The following ITPR2 variants were observed in gnomAD, a reference collection of about 807,000 sequenced individuals.
ITPR2 encodes inositol 1,4,5-trisphosphate-gated calcium channel ITPR2.
Under a neutral mutation model 317.1 loss-of-function variants are expected in ITPR2, and 207 were observed. The ratio of observed to expected loss-of-function variants is 0.65; its 90% CI spans 0.58 to 0.73. The LOEUF (loss-of-function observed/expected upper bound fraction) is 0.73, where lower values mean the gene tolerates loss of function less well. Among genes scored for constraint, ITPR2 ranks in the 30% least tolerant of loss-of-function variants. The probability of loss-of-function intolerance (pLI) is 0.00; values close to 1 mark genes in which losing one functional copy is unlikely to be tolerated. For synonymous variants in ITPR2, 1,156 were observed against 1,149.1 expected, an observed-to-expected ratio of 1.01 and a Z score of -0.12; for missense variants, 2,613 against 3,284.0, an observed-to-expected ratio of 0.80 and a Z score of 4.99.
At chr12:26,494,057 A>T in intron 39 of ITPR2, 96 bp downstream of exon 39, 1 of 908,216 alleles carries the variant, frequency 1.1e-6, no homozygotes, top group Non-Finnish European at 1.6e-6. Flanking sequence ...TAGTAATAAG[A>T]GCTAAAAGAA....
intron 55 of ITPR2, among the ~76,000 whole-genome samples, chr12:26,350,405 G>C (rs907584813): frequency 6.6e-6 from 1 of 152,060 alleles, no homozygotes; most frequent in African/African-American, 2.4e-5. Flanking sequence ...GGGGGCGAGA[G>C]GCACTGTATG....
chr12:26,778,997 C>T (rs1159274380), intron 2 of ITPR2, among the ~76,000 whole-genome samples: 2 of 152,182 alleles, frequency 1.3e-5, no homozygotes, highest in African/African-American at 4.8e-5. Context: ...GGGTGTGTTA[C>T]TCCAACTCAT....
intron 1 of ITPR2, among the ~76,000 whole-genome samples, chr12:26,791,254 A>G (rs988589758): frequency 6.6e-6 from 1 of 152,186 alleles, no homozygotes; most frequent in Admixed American, 6.6e-5. Context: ...TCATTTCTCC[A>G]TTGGTTACGT....
chr12:26,709,491 G>A lies in ITPR2; in HGVS notation c.951+1682C>T, dbSNP rs571548564. 1.8e-4 allele frequency among the ~76,000 whole-genome samples: 27 copies of A among 152,160 alleles called. No homozygotes were observed. The East Asian group carries it at 2.1e-3, about 12-fold the overall frequency. On this transcript the variant is annotated intron_variant, in intron 9 of 56. Transcript: ENST00000381340. ...CTACTTCTCCATTTTTAATTAATTC[G>A]TGTATATATTGAAGTCTTGGATCCT...
chr12:26,785,094 C>A (rs1343164647), intron 2 of ITPR2, among the ~76,000 whole-genome samples: 1 of 42,078 alleles, frequency 2.4e-5, no homozygotes, highest in African/African-American at 5.8e-5. Context: ...AAGTGAGGAG[C>A]CCCTCCGTCC....
At chr12:26,570,128 C>G (rs1945121157) in intron 34 of ITPR2, among the ~76,000 whole-genome samples, 1 of 152,154 alleles carries the variant, frequency 6.6e-6, no homozygotes, top group South Asian at 2.1e-4. Context: ...CAAGGTCAGG[C>G]TCTAGAATTT....
chr12:26,828,341 G>A (rs550319300), intron 1 of ITPR2, among the ~76,000 whole-genome samples: 31 of 152,238 alleles, frequency 2.0e-4, no homozygotes, highest in Admixed American at 3.3e-4. Flanking sequence ...TCTACCAATT[G>A]TACTCCGAGG....
intron 44 of ITPR2, among the ~76,000 whole-genome samples, chr12:26,476,138 T>TTCAC (rs1163235003): frequency 7.2e-5 from 11 of 152,328 alleles, no homozygotes; most frequent in African/African-American, 2.4e-4. Context: ...TAAATCAAAC[T>TTCAC]TCACTTTGTC....
At chr12:26,532,206 T>C (rs1943963249) in intron 37 of ITPR2, among the ~76,000 whole-genome samples, 1 of 152,198 alleles carries the variant, frequency 6.6e-6, no homozygotes, top group Admixed American at 6.5e-5. Context: ...AGTGTTCTTG[T>C]TTGTGTTATG....
chr12:26,641,563 T>G (rs1316521241), intron 21 of ITPR2, among the ~76,000 whole-genome samples: 1 of 152,118 alleles, frequency 6.6e-6, no homozygotes, highest in Non-Finnish European at 1.5e-5. Flanking sequence ...GTTGAAAAGC[T>G]TATTTCCTGG....
Position 26,561,767 on chromosome 12 carries a change from A to G in ITPR2, c.4816T>C (p.Leu1606=), listed in dbSNP as rs746782893. Reference sequence around the variant, plus strand: ...TATTTCACGCTTTCATGTACCTGTAACTTTTCAATAATATTTCTGTAATCC... The same window carrying G: ...TATTTCACGCTTTCATGTACCTGTAGCTTTTCAATAATATTTCTGTAATCC... ...AWDYRNIIEK[L]QDVVASLEHQ... is the part of the protein sequence containing the mutation. The change falls in exon 35 of 57, where the codon TTA becomes CTA. Residue 1606 remains leucine, a synonymous_variant. Coordinates refer to ENST00000381340, the MANE Select transcript of ITPR2 (RefSeq NM_002223.4). 2 of 1,569,146 alleles carry G rather than the reference A, an allele frequency of 1.3e-6. No homozygotes were observed. Among genetic ancestry groups the G allele is most frequent in the East Asian group, 2.3e-5 (1 of 42,660 alleles).
intron 52 of ITPR2, chr12:26,411,092 G>A: frequency 2.1e-6 from 1 of 470,662 alleles, no homozygotes; most frequent in Non-Finnish European, 3.9e-6. Context: ...GGGTAAATGT[G>A]CTAAATCCTC....
intron 2 of ITPR2, among the ~76,000 whole-genome samples, chr12:26,781,108 G>C (rs184520036): frequency 1.3e-5 from 2 of 152,298 alleles, no homozygotes; most frequent in East Asian, 3.9e-4. Flanking sequence ...AGGTCAATGA[G>C]AAACTAAAAC....
In ITPR2 at chr12:26,398,865, C is replaced by T. The variant is rs760865222; in HGVS notation, c.7696+11G>A. ...ATTCATCTATTATTTTAGCATCTGC[C>T]GAACACTTACCACAGATGAAACAAG... On this transcript the variant is annotated intron_variant, in intron 54 of 56. Transcript: ENST00000381340. The T allele has an allele frequency of 8.1e-6, 13 of 1,603,398 alleles. No homozygotes were observed. Among genetic ancestry groups the T allele is most frequent in the Admixed American group, 6.9e-5 (4 of 57,738 alleles).
chr12:26,439,249 C>G lies in ITPR2; in HGVS notation c.6521G>C (p.Arg2174Pro). The change falls in exon 47 of 57, where the codon CGA becomes CCA. Residue 2174 changes from arginine (R) to proline (P), a missense_variant. By Grantham distance (103) the Arg-to-Pro change is moderately radical. This residue lies in a region of ITPR2 where 926 missense variants were observed against 1,072.8 expected (regional missense o/e 0.86). Transcript: ENST00000381340. ...PVPNICEYLT[R>P]ESKCRVFNTT... ...ATTGAACACACGGCACTTGGATTCT[C>G]GAGTGAGGTATTCACATATATTGGG... 1.2e-6 allele frequency: 2 copies of G among 1,613,066 alleles called. No individual in the cohort carries two copies. The highest frequency in any genetic ancestry group is 1.1e-5 in the South Asian group (1 of 90,834).
At position 26,486,152 on chromosome 12, in the gene ITPR2, T is replaced by C. The variant is rs1942658908; in HGVS notation, c.5763A>G (p.Ile1921Met). Reference sequence around the variant, plus strand: ...CACACAGTAACTGAAGAAATCTCAGTATTGGCTGCATGATGGCAATTGCGG... The same window carrying C: ...CACACAGTAACTGAAGAAATCTCAGCATTGGCTGCATGATGGCAATTGCGG... ...MSPAIAIMQP[I>M]LRFLQLLCEN... is the part of the protein sequence containing the mutation. The change falls in exon 41 of 57, where the codon ATA becomes ATG. Residue 1921 changes from isoleucine to methionine, a missense_variant. Physicochemically the swap from Ile to Met is conservative, Grantham distance 10. Transcript: ENST00000381340. 2 of 1,614,050 alleles carry C rather than the reference T, an allele frequency of 1.2e-6. No individual in the cohort carries two copies. The highest frequency in any genetic ancestry group is 1.7e-6 in the Non-Finnish European group (2 of 1,180,014).
At position 26,580,015 on chromosome 12, in the gene ITPR2, T is replaced by A. The variant is rs201142589; in HGVS notation, c.4509+12A>T. 239 of 1,603,872 alleles carry A rather than the reference T, an allele frequency of 1.5e-4. No individual in the cohort carries two copies. Among genetic ancestry groups the A allele is most frequent in the Non-Finnish European group, 2.0e-4 (234 of 1,176,354 alleles). Reference sequence around the variant, plus strand: ...TCTTTGCAACAGAATGCTTTGCAATTGTTTAACTTACCTGGAGGCTGGTAC... The same window carrying A: ...TCTTTGCAACAGAATGCTTTGCAATAGTTTAACTTACCTGGAGGCTGGTAC... On this transcript the variant is annotated intron_variant, in intron 33 of 56. Transcript: ENST00000381340.
intron 37 of ITPR2, among the ~76,000 whole-genome samples, chr12:26,516,465 G>T (rs1555145869): frequency 6.6e-6 from 1 of 152,044 alleles, no homozygotes; most frequent in African/African-American, 2.4e-5. Context: ...AAGGGCTTTG[G>T]GGTCTTCAAA....
At chr12:26,775,605 T>C (rs1398234624) in intron 2 of ITPR2, among the ~76,000 whole-genome samples, 2 of 152,162 alleles carry the variant, frequency 1.3e-5, no homozygotes, top group East Asian at 3.8e-4. Context: ...CTTGGGTGTA[T>C]CTGTGAGGGT....
Sources: gnomAD v4.1 joint callset for allele counts (sites outside exome capture counted in the v4.1 genomes callset) on GRCh38, gnomAD v4.1.1 for gene constraint, gnomAD v4.1.1 regional missense constraint, MANE v1.5 for transcripts, NCBI Gene and HGNC (gene_info 2026-07-23, HGNC 2026-07-21) for gene names.